The following EXOC4 variants were observed in gnomAD, a reference collection of about 807,000 sequenced individuals.
EXOC4 encodes SEC8-like 1.
In EXOC4, 71 loss-of-function variants were observed where a neutral mutation model predicts 107.2. The observed-to-expected ratio is 0.66, with a 90% CI of 0.55 to 0.81. The LOEUF (loss-of-function observed/expected upper bound fraction) is 0.81. Among genes scored for constraint, EXOC4 ranks in the 30% least tolerant of loss-of-function variants. The pLI is 0.00. For missense variants in EXOC4, 1,108 were observed against 1,189.6 expected (o/e 0.93, Z 1.01); for synonymous variants, 456 against 441.2 (o/e 1.03, Z -0.42).
At chr7:133,383,805 C>A (rs1005936865) in intron 7 of EXOC4, among the ~76,000 whole-genome samples, 17 of 152,148 alleles carry the variant, frequency 1.1e-4, no homozygotes, top group South Asian at 1.0e-3. Flanking sequence ...AGTTTTTCGT[C>A]ATTTCTCAGC....
chr7:133,820,869 C>T (rs2151220666), intron 11 of EXOC4, among the ~76,000 whole-genome samples: 1 of 152,282 alleles, frequency 6.6e-6, no homozygotes, highest in South Asian at 2.1e-4. Context: ...TGTCCTTGTC[C>T]CTCTGAAGTG....
chr7:133,701,303 A>T (rs1270178156), intron 10 of EXOC4, among the ~76,000 whole-genome samples: 1 of 152,238 alleles, frequency 6.6e-6, no homozygotes, highest in African/African-American at 2.4e-5. Flanking sequence ...ACTGAGTTGA[A>T]GCATAATATT....
intron 7 of EXOC4, among the ~76,000 whole-genome samples, chr7:133,469,574 A>G (rs947879023): frequency 2.6e-5 from 4 of 152,318 alleles, no homozygotes; most frequent in Middle Eastern, 3.4e-3. Context: ...ATAGATTCAT[A>G]TTAGTATATA....
chr7:133,964,737 C>T (rs1007651339), intron 14 of EXOC4, among the ~76,000 whole-genome samples: 1 of 152,062 alleles, frequency 6.6e-6, no homozygotes, highest in Non-Finnish European at 1.5e-5. Context: ...CATTGATGGG[C>T]ATTTGGGTTG....
At chr7:133,650,127 T>A (rs976924561) in intron 10 of EXOC4, among the ~76,000 whole-genome samples, 1 of 152,268 alleles carries the variant, frequency 6.6e-6, no homozygotes, top group Non-Finnish European at 1.5e-5. Context: ...TTTTTCAGTT[T>A]GGTAATTTAA....
chr7:133,568,131 C>A (rs1238392439), intron 9 of EXOC4, among the ~76,000 whole-genome samples: 3 of 152,124 alleles, frequency 2.0e-5, no homozygotes, highest in Non-Finnish European at 4.4e-5. Context: ...TGAGATTGCA[C>A]GTTTTCATAT....
chr7:133,708,669 A>C (rs1487252021), intron 10 of EXOC4, among the ~76,000 whole-genome samples: 1 of 152,306 alleles, frequency 6.6e-6, no homozygotes, highest in East Asian at 1.9e-4. Flanking sequence ...TTTCCCATTT[A>C]AAGATGACCA....
At chr7:134,069,427 TCTC>T (rs1345826375), downstream of EXOC4, among the ~76,000 whole-genome samples, 2 of 144,878 alleles carry the variant, frequency 1.4e-5, no homozygotes, top group Non-Finnish European at 3.0e-5. Context: ...TTCCTCCTCT[TCTC>T]CTCCTCCTTC....
chr7:134,019,686 T>A lies in EXOC4; in HGVS notation c.2687+11851T>A, dbSNP rs531001374. On this transcript the variant is annotated intron_variant, in intron 17 of 17. Transcript: ENST00000253861. ...CTTAGGTCAATCCAACCCCAAAGTCTATGTATGCTCTTAACTACGTGAAGT... is the reference window on the plus strand; with the variant it reads ...CTTAGGTCAATCCAACCCCAAAGTCAATGTATGCTCTTAACTACGTGAAGT... 6.6e-5 allele frequency among the ~76,000 whole-genome samples: 10 copies of A among 152,360 alleles called. No homozygotes were observed. The East Asian group carries it at 1.9e-3, about 29-fold the overall frequency.
rs544118309 is a variant in EXOC4 at position 133,427,793 on chromosome 7, C to G, written c.1183-47535C>G. ...TTTCCAGTGGGTAAGGGGGTGGTAC[C>G]ACACACACTTTGGGTATTCCATTGT... On this transcript the variant is annotated intron_variant, in intron 7 of 17. Transcript: ENST00000253861. 2.6e-5 allele frequency among the ~76,000 whole-genome samples: 4 copies of G among 152,096 alleles called. No homozygotes were observed. The South Asian group carries it at 8.3e-4, about 31-fold the overall frequency.
intron 7 of EXOC4, among the ~76,000 whole-genome samples, chr7:133,431,515 G>T (rs974357606): frequency 5.9e-5 from 9 of 152,180 alleles, no homozygotes; most frequent in Non-Finnish European, 1.2e-4. Flanking sequence ...AGTGAGACAG[G>T]TTAGTACAGG....
intron 9 of EXOC4, among the ~76,000 whole-genome samples, chr7:133,545,210 T>C (rs1243014433): frequency 1.3e-5 from 2 of 152,122 alleles, no homozygotes; most frequent in Non-Finnish European, 2.9e-5. Flanking sequence ...AGAAATGAAA[T>C]GTCTCTCAAA....
chr7:133,952,949 G>A (rs1211958476), intron 14 of EXOC4, among the ~76,000 whole-genome samples: 1 of 152,170 alleles, frequency 6.6e-6, no homozygotes, highest in Non-Finnish European at 1.5e-5. Flanking sequence ...TAATGCTGCT[G>A]TAACATGGGT....
intron 14 of EXOC4, among the ~76,000 whole-genome samples, chr7:133,961,360 C>T (rs1009865723): frequency 2.3e-5 from 3 of 131,242 alleles, no homozygotes; most frequent in Non-Finnish European, 4.6e-5. Context: ...GATTTCGGCT[C>T]ACTGCAACCT....
chr7:133,696,033 ATTTTAC>A (rs1158214268), intron 10 of EXOC4, among the ~76,000 whole-genome samples: 3 of 152,222 alleles, frequency 2.0e-5, no homozygotes, highest in African/African-American at 7.2e-5. Flanking sequence ...AAAATAAAAC[ATTTTAC>A]TGATCAAGGG....
At chr7:133,336,419 C>A (rs1299048872) in intron 5 of EXOC4, among the ~76,000 whole-genome samples, 1 of 152,046 alleles carries the variant, frequency 6.6e-6, no homozygotes, top group African/African-American at 2.4e-5. Context: ...GCCAAATTCT[C>A]CCCCCAAAGA....
At chr7:133,874,708 G>A (rs1163225326) in intron 11 of EXOC4, among the ~76,000 whole-genome samples, 2 of 152,204 alleles carry the variant, frequency 1.3e-5, no homozygotes, top group Non-Finnish European at 2.9e-5. Context: ...TGCACATAGC[G>A]GAACAAATGT....
chr7:133,932,665 A>G (rs996284066), intron 13 of EXOC4, among the ~76,000 whole-genome samples: 1 of 152,222 alleles, frequency 6.6e-6, no homozygotes, highest in Admixed American at 6.5e-5. Context: ...CCCAAGAAGA[A>G]AGACATTCTC....
At chr7:134,038,757 CTCCCAGTCTG>C (rs1192811718) in intron 17 of EXOC4, among the ~76,000 whole-genome samples, 2 of 152,196 alleles carry the variant, frequency 1.3e-5, no homozygotes, top group Admixed American at 1.3e-4. Flanking sequence ...CCACAGGCTG[CTCCCAGTCTG>C]TGTCACTTAC....
Sources: allele counts gnomAD v4.1 joint callset (sites outside exome capture counted in the v4.1 genomes callset), GRCh38; gene constraint gnomAD v4.1.1; transcripts MANE v1.5; gene names NCBI Gene and HGNC (gene_info 2026-07-23, HGNC 2026-07-21).